Variants in TAMM41 observed in about 807,000 individuals in gnomAD.
TAMM41 encodes the protein TAM41 mitochondrial translocator assembly and maintenance homolog, also known as phosphatidate cytidylyltransferase, mitochondrial.
TAMM41 carries 36 observed loss-of-function variants against 44.1 expected under a neutral mutation model. That is an observed-to-expected ratio of 0.82 (90% CI 0.63 to 1.08). TAMM41 has a LOEUF of 1.08. Ranked by LOEUF, TAMM41 falls within the 50% of genes least tolerant of loss-of-function variation. The pLI, the probability that TAMM41 is intolerant of heterozygous loss-of-function variation, is 0.00. For missense variants in TAMM41, 417 were observed against 404.3 expected (o/e 1.03, Z -0.27); for synonymous variants, 164 against 153.1 (o/e 1.07, Z -0.53).
the TAMM41 span, among the ~76,000 whole-genome samples, chr3:11,775,225 C>CA: frequency 0.97 from 147,895 of 152,162 alleles, 71,911 homozygotes; most frequent in East Asian, 1. Context: ...GGGGGACACA[C>CA]AAATTCAGAC....
At chr3:11,766,678 T>C in the TAMM41 span, among the ~76,000 whole-genome samples, 1 of 151,982 alleles carries the variant, frequency 6.6e-6, no homozygotes, top group Non-Finnish European at 1.5e-5. Flanking sequence ...GCAATTCTCC[T>C]GCCTCAGCCT....
chr3:11,844,598 C>T (rs1486712710), intron 1 of TAMM41, among the ~76,000 whole-genome samples: 1 of 152,178 alleles, frequency 6.6e-6, no homozygotes, highest in Non-Finnish European at 1.5e-5. Flanking sequence ...AGAGGTCTGG[C>T]TCCAAACTGT....
the TAMM41 span, among the ~76,000 whole-genome samples, chr3:11,751,854 T>A: frequency 6.6e-6 from 1 of 152,186 alleles, no homozygotes; most frequent in Non-Finnish European, 1.5e-5. Flanking sequence ...GCCAGGGGGT[T>A]CAGATATGCT....
intron 4 of TAMM41, among the ~76,000 whole-genome samples, chr3:11,824,199 A>T (rs995111238): frequency 1.4e-5 from 2 of 141,560 alleles, no homozygotes; most frequent in Non-Finnish European, 3.1e-5. Flanking sequence ...ATTTGTAAAT[A>T]TTTTTTTTTT....
the TAMM41 span, among the ~76,000 whole-genome samples, chr3:11,742,971 G>C: frequency 7.2e-5 from 11 of 152,082 alleles, no homozygotes; most frequent in Non-Finnish European, 1.5e-4. Context: ...AAAGACTAAA[G>C]CCAGAAAAAC....
intron 7 of TAMM41, among the ~76,000 whole-genome samples, chr3:11,799,299 C>T (rs1324605744): frequency 6.6e-6 from 1 of 152,204 alleles, no homozygotes; most frequent in African/African-American, 2.4e-5. Context: ...ATAATCTTCA[C>T]AACCTGGTGA....
the TAMM41 span, among the ~76,000 whole-genome samples, chr3:11,756,582 G>A: frequency 6.6e-6 from 1 of 152,090 alleles, no homozygotes; most frequent in Non-Finnish European, 1.5e-5. Context: ...CCGGTCTTCT[G>A]GGGCCAGGTG....
chr3:11,733,837 A>T, the TAMM41 span, among the ~76,000 whole-genome samples: 1 of 151,830 alleles, frequency 6.6e-6, no homozygotes, highest in Admixed American at 6.6e-5. Context: ...CCAAGTCCAA[A>T]CAGGTATTCT....
chr3:11,799,654 G>C (rs1357366745), intron 7 of TAMM41, among the ~76,000 whole-genome samples: 1 of 152,126 alleles, frequency 6.6e-6, no homozygotes, highest in Non-Finnish European at 1.5e-5. Context: ...AGGTTAAAAT[G>C]TTTAGAAAAA....
At chr3:11,756,636 C>T in the TAMM41 span, among the ~76,000 whole-genome samples, 14 of 152,162 alleles carry the variant, frequency 9.2e-5, no homozygotes, top group East Asian at 2.5e-3. Flanking sequence ...GAGGCCGAGG[C>T]GGGCAGATCA....
At position 11,829,751 on chromosome 3, in the gene TAMM41, T is replaced by G. The variant is rs752874433; in HGVS notation, c.525A>C (p.Glu175Asp). 6.2e-7 allele frequency: 1 copy of G among 1,614,198 alleles called. No individual in the cohort carries two copies. The highest frequency in any genetic ancestry group is 8.5e-7 in the Non-Finnish European group (1 of 1,180,018). Residue 175 changes from glutamate to aspartate, a missense_variant, in exon 4 of 8, where the codon GAA becomes GAC. Transcript: ENST00000455809. Reference protein sequence around the residue: ...FLMLPESFSEEDLFIEIAGLS... With the variant: ...FLMLPESFSEDDLFIEIAGLS... ...GACCGGCAATCTCTATGAAGAGGTC[T>G]TCTTCAGAAAAGCTTTCGGGGAGCA...
At chr3:11,745,436 T>C in the TAMM41 span, among the ~76,000 whole-genome samples, 2 of 152,182 alleles carry the variant, frequency 1.3e-5, no homozygotes, top group Non-Finnish European at 2.9e-5. Context: ...CAAATGCGCA[T>C]TGATAAATGA....
chr3:11,733,575 C>T, the TAMM41 span, among the ~76,000 whole-genome samples: 1 of 151,588 alleles, frequency 6.6e-6, no homozygotes, highest in African/African-American at 2.4e-5. Context: ...TCACTGCAAA[C>T]TCTGCCTCCC....
chr3:11,831,239 TTC>T (rs1193923150), intron 3 of TAMM41, among the ~76,000 whole-genome samples: 1 of 152,102 alleles, frequency 6.6e-6, no homozygotes, highest in East Asian at 1.9e-4. Flanking sequence ...ACTCCCAGAG[TTC>T]TGTTTCAGGA....
intron 6 of TAMM41, 172 bp downstream of exon 6, chr3:11,809,345 C>G (rs1654352379): frequency 1.5e-6 from 1 of 685,348 alleles, no homozygotes. Flanking sequence ...TTACTTCAAA[C>G]AAATAAAAAT....
chr3:11,804,868 AT>A (rs72142106), intron 7 of TAMM41, among the ~76,000 whole-genome samples: 17,978 of 145,308 alleles, frequency 0.12, 2,246 homozygotes, highest in East Asian at 0.49. Context: ...TATTATTATA[AT>A]TTTTTTTTTT....
At chr3:11,846,137 G>A (rs1468025361) in intron 1 of TAMM41, among the ~76,000 whole-genome samples, 9 of 152,238 alleles carry the variant, frequency 5.9e-5, no homozygotes, top group Admixed American at 5.9e-4. Flanking sequence ...CTCCATCGGC[G>A]GAAGCCGAGC....
the TAMM41 span, among the ~76,000 whole-genome samples, chr3:11,777,759 A>C: frequency 6.6e-6 from 1 of 152,182 alleles, no homozygotes; most frequent in Non-Finnish European, 1.5e-5. Flanking sequence ...CTGCCACTGC[A>C]CTCCAGCCTG....
chr3:11,749,619 T>C, the TAMM41 span, among the ~76,000 whole-genome samples: 1 of 152,328 alleles, frequency 6.6e-6, no homozygotes, highest in South Asian at 2.1e-4. Context: ...ATCAATTCCA[T>C]ACCATGAAGT....
Sources: gnomAD v4.1 joint callset for allele counts (sites outside exome capture counted in the v4.1 genomes callset) on GRCh38, gnomAD v4.1.1 for gene constraint, MANE v1.5 for transcripts, NCBI Gene and HGNC (gene_info 2026-07-23, HGNC 2026-07-21) for gene names.